Variants in EXOC6 observed in about 807,000 individuals in gnomAD.
EXOC6 encodes the protein exocyst complex component 6, also known as SEC15-like 1.
Under a neutral mutation model 112.5 loss-of-function variants are expected in EXOC6, and 60 were observed. The observed-to-expected ratio is 0.53, with a 90% confidence interval of 0.43 to 0.66. The LOEUF is 0.66. Among genes scored for constraint, EXOC6 ranks in the 30% least tolerant of loss-of-function variants. The pLI is 0.00. For synonymous variants in EXOC6, 295 were observed against 308.0 expected (o/e 0.96, Z 0.44); for missense variants, 855 against 957.1 (o/e 0.89, Z 1.41).
intron 1 of EXOC6, among the ~76,000 whole-genome samples, chr10:92,862,486 T>A (rs570440207): frequency 4.5e-4 from 69 of 152,252 alleles, no homozygotes; most frequent in Middle Eastern, 3.4e-3. Flanking sequence ...GAGAGCTAGC[T>A]TGCCCCTTCC....
intron 20 of EXOC6, among the ~76,000 whole-genome samples, chr10:93,016,647 C>G (rs759628090): frequency 8.5e-4 from 129 of 152,194 alleles, no homozygotes; most frequent in African/African-American, 1.3e-3. Context: ...TGGTATTTAA[C>G]TTGCTTTGAA....
Position 93,058,475 on chromosome 10 carries a change from A to C in EXOC6, c.*120A>C. 1 of 686,160 alleles carries C rather than the reference A, an allele frequency of 1.5e-6. No individual in the cohort carries two copies. The allele number at this position is 686,160 out of a possible 1,614,324, so 42.5% of individuals were successfully genotyped here. ...TCCAAAAATACAATAGAGAAGATAC[A>C]TGAGGGCTTAAACAAGAAATAGTAA... On this transcript the variant is annotated 3_prime_UTR_variant, in exon 22 of 22. Transcript: ENST00000260762.
At chr10:92,931,845 A>G (rs536827167) in intron 9 of EXOC6, among the ~76,000 whole-genome samples, 1 of 152,208 alleles carries the variant, frequency 6.6e-6, no homozygotes, top group African/African-American at 2.4e-5. Context: ...TGATAGATAT[A>G]AAATTATACT....
At chr10:92,884,453 ATACAC>A (rs1849113367) in intron 1 of EXOC6, among the ~76,000 whole-genome samples, 1 of 152,200 alleles carries the variant, frequency 6.6e-6, no homozygotes, top group Non-Finnish European at 1.5e-5. Flanking sequence ...TTCTCAAATT[ATACAC>A]TATGCAGATG....
At chr10:92,994,715 A>T (rs1187738283) in intron 18 of EXOC6, among the ~76,000 whole-genome samples, 2 of 152,050 alleles carry the variant, frequency 1.3e-5, no homozygotes, top group Non-Finnish European at 1.5e-5. Flanking sequence ...TCGTTGTAAA[A>T]GTACTCAGAC....
intron 19 of EXOC6, among the ~76,000 whole-genome samples, chr10:93,002,052 G>A (rs936661694): frequency 1.3e-5 from 2 of 152,054 alleles, no homozygotes; most frequent in Admixed American, 1.3e-4. Flanking sequence ...GATTAATAAA[G>A]CCAAAACTGT....
chr10:92,880,128 G>A (rs960522997), intron 1 of EXOC6, among the ~76,000 whole-genome samples: 4 of 152,200 alleles, frequency 2.6e-5, no homozygotes, highest in Admixed American at 2.0e-4. Context: ...GGGAACCGGT[G>A]TGGATACCTA....
At chr10:92,963,156 G>A (rs552906502) in intron 17 of EXOC6, among the ~76,000 whole-genome samples, 74 of 152,194 alleles carry the variant, frequency 4.9e-4, no homozygotes, top group Non-Finnish European at 1.1e-3. Flanking sequence ...TTCATCTTAT[G>A]TTAATAAGGA....
chr10:92,936,837 A>G (rs1453395316), intron 12 of EXOC6, among the ~76,000 whole-genome samples: 1 of 152,068 alleles, frequency 6.6e-6, no homozygotes, highest in Non-Finnish European at 1.5e-5. Flanking sequence ...ATATTAGGAA[A>G]AATATCACAG....
chr10:92,905,698 A>G (rs1850407150), intron 5 of EXOC6, among the ~76,000 whole-genome samples: 1 of 152,044 alleles, frequency 6.6e-6, no homozygotes, highest in Non-Finnish European at 1.5e-5. Context: ...ACCATTAAGT[A>G]TGGTATTAGC....
chr10:92,920,453 T>G (rs1309036648), intron 8 of EXOC6, among the ~76,000 whole-genome samples: 2 of 152,178 alleles, frequency 1.3e-5, no homozygotes, highest in African/African-American at 4.8e-5. Flanking sequence ...AGTATACAAT[T>G]CGGTGGTTTT....
At chr10:93,025,833 A>C (rs1465042963) in intron 20 of EXOC6, among the ~76,000 whole-genome samples, 5 of 152,222 alleles carry the variant, frequency 3.3e-5, no homozygotes, top group Non-Finnish European at 4.4e-5. Flanking sequence ...GAACACATAG[A>C]TCAAGAAAGA....
chr10:92,941,434 T>C (rs887697069), intron 13 of EXOC6, among the ~76,000 whole-genome samples: 4 of 152,240 alleles, frequency 2.6e-5, no homozygotes, highest in African/African-American at 9.6e-5. Context: ...TTCAAATCTT[T>C]TGGGTTTATA....
chr10:92,956,318 GA>G (rs1853692395), intron 17 of EXOC6, among the ~76,000 whole-genome samples: 1 of 152,024 alleles, frequency 6.6e-6, no homozygotes, highest in Non-Finnish European at 1.5e-5. Flanking sequence ...CCCTTGAATT[GA>G]ATATTTTATT....
At chr10:93,055,401 G>T (rs1201938005) in intron 20 of EXOC6, among the ~76,000 whole-genome samples, 1 of 152,098 alleles carries the variant, frequency 6.6e-6, no homozygotes, top group African/African-American at 2.4e-5. Context: ...ATATCTTTGT[G>T]CATAAATTTT....
intron 20 of EXOC6, among the ~76,000 whole-genome samples, chr10:93,052,307 G>A (rs1590118353): frequency 2.0e-5 from 3 of 152,164 alleles, no homozygotes; most frequent in Non-Finnish European, 4.4e-5. Context: ...GGCATGGATC[G>A]AGAATGAGTC....
intron 4 of EXOC6, among the ~76,000 whole-genome samples, chr10:92,896,175 ATATATATTTTTTTTTTTTTT>A (rs1564810046): frequency 0.043 from 890 of 20,500 alleles, 71 homozygotes; most frequent in African/African-American, 0.056. Flanking sequence ...ATATATATAT[ATATATATTTTTTTTTTTTTT>A]TTTTTTTTTT....
intron 20 of EXOC6, among the ~76,000 whole-genome samples, chr10:93,045,794 G>C (rs1845979382): frequency 6.6e-6 from 1 of 152,328 alleles, no homozygotes; most frequent in Admixed American, 6.5e-5. Context: ...ATGATGTAGT[G>C]AATCTGTACA....
At position 92,948,570 on chromosome 10, in the gene EXOC6, T is replaced by TACC. The variant is rs1166034948; in HGVS notation, c.1416+194_1416+196dup. ...AGTATGTTATTACTACTACTACTACTACCACTACTACTACTACTACTACTA... is the reference window on the plus strand; with the variant it reads ...AGTATGTTATTACTACTACTACTACTACCACCACTACTACTACTACTACTACTA... On this transcript the variant is annotated intron_variant, in intron 14 of 21. Coordinates refer to ENST00000260762, the MANE Select transcript of EXOC6 (RefSeq NM_019053.6). 2.5e-3 allele frequency among the ~76,000 whole-genome samples: 280 copies of TACC among 111,256 alleles called. 1 individual carries two copies. The highest frequency in any genetic ancestry group is 4.4e-3 in the Middle Eastern group (1 of 226). 73.0% of individuals were successfully genotyped at this position (111,256 alleles called of 152,430 possible).
Sources: gnomAD v4.1 joint callset for allele counts (sites outside exome capture counted in the v4.1 genomes callset) on GRCh38, gnomAD v4.1.1 for gene constraint, MANE v1.5 for transcripts, NCBI Gene and HGNC (gene_info 2026-07-23, HGNC 2026-07-21) for gene names.